Variants in ANO2 observed in about 807,000 individuals in gnomAD.
The protein encoded by ANO2 is anoctamin 2.
In ANO2, 101 loss-of-function variants were observed where a neutral mutation model predicts 124.2. The ratio of observed to expected loss-of-function variants is 0.81; its 90% CI spans 0.69 to 0.96. The LOEUF is 0.96. ANO2 is among the 40% of genes least tolerant of loss of function. The probability of loss-of-function intolerance (pLI) is 0.00; values close to 1 mark genes in which losing one functional copy is unlikely to be tolerated. For missense variants in ANO2, 1,293 were observed against 1,274.5 expected (o/e 1.01, Z -0.22); for synonymous variants, 486 against 482.5 (o/e 1.01, Z -0.09).
chr12:5,840,754 G>A (rs1230114954), intron 4 of ANO2, among the ~76,000 whole-genome samples: 1 of 152,210 alleles, frequency 6.6e-6, no homozygotes, highest in African/African-American at 2.4e-5. Flanking sequence ...GCAGCTGGGA[G>A]CACACGTGTT....
At chr12:5,801,041 G>A (rs998972251) in intron 9 of ANO2, among the ~76,000 whole-genome samples, 1 of 152,118 alleles carries the variant, frequency 6.6e-6, no homozygotes, top group Non-Finnish European at 1.5e-5. Context: ...GGAAGCTAAG[G>A]GAAGAAAGGA....
At chr12:5,731,742 T>A (rs1013218733) in intron 14 of ANO2, among the ~76,000 whole-genome samples, 1 of 152,162 alleles carries the variant, frequency 6.6e-6, no homozygotes, top group East Asian at 1.9e-4. Flanking sequence ...TCTGTTTTAA[T>A]GACTGCATGC....
At chr12:5,589,225 C>G (rs576647040) in intron 20 of ANO2, among the ~76,000 whole-genome samples, 1 of 152,288 alleles carries the variant, frequency 6.6e-6, no homozygotes, top group South Asian at 2.1e-4. Context: ...CTTTGAACTG[C>G]ATGGGTGGGT....
chr12:5,726,180 G>T (rs1950431515), intron 14 of ANO2, among the ~76,000 whole-genome samples: 1 of 151,520 alleles, frequency 6.6e-6, no homozygotes, highest in Non-Finnish European at 1.5e-5. Context: ...AAAAGTTCCG[G>T]ACTCAGTATT....
chr12:5,574,658 C>T (rs1253710742), intron 23 of ANO2, among the ~76,000 whole-genome samples: 6 of 152,176 alleles, frequency 3.9e-5, no homozygotes, highest in African/African-American at 7.2e-5. Flanking sequence ...CCTCCCGCCA[C>T]CCTGGTTTAT....
intron 7 of ANO2, among the ~76,000 whole-genome samples, chr12:5,811,051 A>G (rs1953373014): frequency 6.6e-6 from 1 of 152,230 alleles, no homozygotes; most frequent in Admixed American, 6.5e-5. Context: ...TCTACCTCCC[A>G]AAGAGTCTCA....
rs1940819143 is a variant in ANO2 at position 5,908,108 on chromosome 12, C to G, written c.534+12932G>C. Among the ~76,000 whole-genome samples, 1 of 152,252 alleles carries G rather than the reference C, an allele frequency of 6.6e-6. No individual in the cohort carries two copies. The highest frequency in any genetic ancestry group is 6.5e-5 in the Admixed American group (1 of 15,290). On this transcript the variant is annotated intron_variant, in intron 3 of 24. Coordinates refer to ENST00000682330, the MANE Select transcript of ANO2 (RefSeq NM_001364791.2). This position sits in a 1 kb window ranked among gnomAD's most constrained non-coding sequence, Gnocchi z 4.7. ...CAAACCCACACCAGCTCCGAGGACCCTGGGGCTTCCACTCTGAAGCCTTTG... is the reference window on the plus strand; with the variant it reads ...CAAACCCACACCAGCTCCGAGGACCGTGGGGCTTCCACTCTGAAGCCTTTG...
At chr12:5,695,463 A>G (rs1949128904) in intron 14 of ANO2, among the ~76,000 whole-genome samples, 1 of 152,252 alleles carries the variant, frequency 6.6e-6, no homozygotes. Flanking sequence ...ACATTCTCCA[A>G]ACAAAATGCA....
intron 23 of ANO2, among the ~76,000 whole-genome samples, chr12:5,571,455 C>A (rs1458803619): frequency 6.6e-6 from 1 of 152,150 alleles, no homozygotes; most frequent in Non-Finnish European, 1.5e-5. Context: ...CTATCCCTGG[C>A]GAGGCTGGGT....
intron 2 of ANO2, 127 bp from the exon 3 acceptor site, chr12:5,921,493 C>G (rs1401957985): frequency 8.2e-6 from 7 of 857,500 alleles, no homozygotes; most frequent in Non-Finnish European, 8.8e-6. Context: ...CCCAAAGGCC[C>G]CCAGTGCCCC....
chr12:5,913,769 C>A (rs1161875866), intron 3 of ANO2, among the ~76,000 whole-genome samples: 1 of 152,166 alleles, frequency 6.6e-6, no homozygotes, highest in African/African-American at 2.4e-5. Context: ...AAAGCAAAAC[C>A]ACACGTGATG....
At chr12:5,723,903 C>A (rs985590985) in intron 14 of ANO2, among the ~76,000 whole-genome samples, 1 of 152,118 alleles carries the variant, frequency 6.6e-6, no homozygotes, top group African/African-American at 2.4e-5. Flanking sequence ...CAACCCGCAG[C>A]TTCTCAGCCC....
chr12:5,931,090 C>T (rs1942349842), intron 1 of ANO2, among the ~76,000 whole-genome samples: 2 of 152,142 alleles, frequency 1.3e-5, no homozygotes, highest in Admixed American at 1.3e-4. Flanking sequence ...CTACTATTAC[C>T]ATTTTGAAAC....
chr12:5,799,321 C>A (rs1952966269), intron 10 of ANO2, among the ~76,000 whole-genome samples, 186 bp downstream of exon 10: 5 of 152,222 alleles, frequency 3.3e-5, no homozygotes, highest in Admixed American at 3.3e-4. Context: ...CCCCACGCAG[C>A]CTCCATGTCC....
chr12:5,574,499 C>T (rs1462856224), intron 23 of ANO2, among the ~76,000 whole-genome samples: 1 of 151,434 alleles, frequency 6.6e-6, no homozygotes, highest in African/African-American at 2.5e-5. Context: ...AGCATATTCC[C>T]TCTCCCTATC....
intron 10 of ANO2, among the ~76,000 whole-genome samples, chr12:5,774,200 A>G (rs1235983121): frequency 6.6e-6 from 1 of 152,180 alleles, no homozygotes. Context: ...CACACCTATA[A>G]TCCCAGCACT....
intron 15 of ANO2, among the ~76,000 whole-genome samples, chr12:5,642,797 C>T (rs543758594): frequency 2.0e-5 from 3 of 152,290 alleles, no homozygotes; most frequent in South Asian, 4.1e-4. Flanking sequence ...GTGCACTCCC[C>T]GCTGCAGAGT....
chr12:5,839,457 G>A (rs1453026877), intron 4 of ANO2: 5 of 402,506 alleles, frequency 1.2e-5, no homozygotes, highest in East Asian at 7.2e-5. Flanking sequence ...TAGACTGAGC[G>A]CTACTCCAGA....
chr12:5,667,966 G>A (rs1477861083), intron 14 of ANO2, among the ~76,000 whole-genome samples: 1 of 152,118 alleles, frequency 6.6e-6, no homozygotes, highest in Non-Finnish European at 1.5e-5. Flanking sequence ...ATGGACATTT[G>A]GGTTGATTCC....
Sources: gnomAD v4.1 joint callset for allele counts (sites outside exome capture counted in the v4.1 genomes callset) on GRCh38, gnomAD v4.1.1 for gene constraint, Gnocchi (gnomAD v3.1) non-coding constraint, MANE v1.5 for transcripts, NCBI Gene and HGNC (gene_info 2026-07-23, HGNC 2026-07-21) for gene names.